AFAP1: variants seen among roughly 807,000 people sequenced by gnomAD.
AFAP1 encodes actin filament-associated protein 1.
AFAP1 carries 75 observed loss-of-function variants against 93.9 expected under a neutral mutation model. The ratio of observed to expected loss-of-function variants is 0.80; its 90% confidence interval spans 0.66 to 0.97. The LOEUF is 0.97. AFAP1 is among the 50% of genes least tolerant of loss of function. AFAP1 has a pLI of 0.00. For missense variants in AFAP1, 1,201 were observed against 1,050.8 expected (o/e 1.14, Z -1.98); for synonymous variants, 517 against 430.7 (o/e 1.20, Z -2.48).
chr4:7,865,898 TTTTG>T (rs1350938679), intron 3 of AFAP1, among the ~76,000 whole-genome samples: 1 of 152,210 alleles, frequency 6.6e-6, no homozygotes, highest in Non-Finnish European at 1.5e-5. Context: ...TCTTGTTTTG[TTTTG>T]TTTTATTTTT....
chr4:7,863,439 A>C (rs1484180554), intron 3 of AFAP1, among the ~76,000 whole-genome samples: 2 of 151,962 alleles, frequency 1.3e-5, no homozygotes, highest in Non-Finnish European at 2.9e-5. Flanking sequence ...GAACGAAAGA[A>C]AGAAAGAAGG....
intron 16 of AFAP1, among the ~76,000 whole-genome samples, chr4:7,771,786 A>C (rs1298666400): frequency 6.6e-6 from 1 of 152,270 alleles, no homozygotes; most frequent in Admixed American, 6.5e-5. Context: ...CTGCTTGCTC[A>C]GCTCTGCAGG....
chr4:7,775,661 G>C (rs1180299034), intron 14 of AFAP1: 1 of 152,194 alleles, frequency 6.6e-6, no homozygotes, highest in Non-Finnish European at 1.5e-5. Context: ...GCAACCAGGA[G>C]CGGTATCTGG....
At chr4:7,797,840 G>C (rs1406083429) in intron 10 of AFAP1, among the ~76,000 whole-genome samples, 1 of 152,074 alleles carries the variant, frequency 6.6e-6, no homozygotes, top group East Asian at 1.9e-4. Context: ...ACCTGCAAAA[G>C]GTTCTGAAAA....
chr4:7,801,104 T>G (rs943529864), intron 9 of AFAP1, among the ~76,000 whole-genome samples: 2 of 152,132 alleles, frequency 1.3e-5, no homozygotes, highest in African/African-American at 4.8e-5. Flanking sequence ...AGATTTTGGC[T>G]TAACATGAAG....
rs369384688 is a variant in AFAP1 at position 7,778,856 on chromosome 4, G to A, written c.1803C>T (p.Pro601=). 1.1e-5 allele frequency: 18 copies of A among 1,613,310 alleles called. No homozygotes were observed. The highest frequency in any genetic ancestry group is 1.7e-4 in the Middle Eastern group (1 of 6,058). The change falls in exon 14 of 18, where the codon CCC becomes CCT. Residue 601 remains proline, a synonymous_variant. Coordinates refer to ENST00000420658, the MANE Select transcript of AFAP1 (RefSeq NM_001134647.2). ...TTCCTGTGACCCCATTAGACGCCACGGGGGGCTTTTTACCCTTGAGCTGTT... is the reference window on the plus strand; with the variant it reads ...TTCCTGTGACCCCATTAGACGCCACAGGGGGCTTTTTACCCTTGAGCTGTT... ...LNSQLKGKKP[P]VASNGVTGKG...
At chr4:7,925,479 G>A (rs1720674640) in intron 1 of AFAP1, among the ~76,000 whole-genome samples, 1 of 152,184 alleles carries the variant, frequency 6.6e-6, no homozygotes, top group East Asian at 1.9e-4. Context: ...TTGGGAGGCC[G>A]AGTCAGGTGG....
chr4:7,769,462 C>T (rs1234397505), intron 16 of AFAP1, among the ~76,000 whole-genome samples: 1 of 152,264 alleles, frequency 6.6e-6, no homozygotes, highest in Non-Finnish European at 1.5e-5. Flanking sequence ...TGCAGCCCCA[C>T]TGCGCGGGGC....
chr4:7,853,123 A>G (rs951868289), intron 4 of AFAP1, among the ~76,000 whole-genome samples: 1 of 152,156 alleles, frequency 6.6e-6, no homozygotes, highest in African/African-American at 2.4e-5. Context: ...TCAGCCTAGC[A>G]AGGCTGGAAT....
intron 10 of AFAP1, 142 bp from the exon 11 acceptor site, chr4:7,793,968 G>T: frequency 4.2e-6 from 4 of 944,950 alleles, no homozygotes; most frequent in Non-Finnish European, 4.4e-6. Context: ...AGATGGCTGA[G>T]CGATGGGATT....
At chr4:7,776,026 C>T (rs67476190) in intron 14 of AFAP1, 14,773 of 152,202 alleles carry the variant, frequency 0.097, 1,213 homozygotes, top group East Asian at 0.47. Flanking sequence ...AGGACAACAC[C>T]TCTTTGTTAA....
At chr4:7,931,625 C>G (rs1721074764) in intron 1 of AFAP1, among the ~76,000 whole-genome samples, 1 of 151,692 alleles carries the variant, frequency 6.6e-6, no homozygotes, top group Admixed American at 6.6e-5. Context: ...TCAGTGGATC[C>G]TACTGCCTCA....
intron 1 of AFAP1, among the ~76,000 whole-genome samples, chr4:7,885,872 T>C (rs1437531514): frequency 6.6e-6 from 1 of 152,164 alleles, no homozygotes; most frequent in Non-Finnish European, 1.5e-5. Flanking sequence ...CCTCTCTGTG[T>C]GAGAATACTC....
At chr4:7,788,602 G>A (rs1717535936) in intron 11 of AFAP1, 1 of 152,204 alleles carries the variant, frequency 6.6e-6, no homozygotes, top group Non-Finnish European at 1.5e-5. Flanking sequence ...ATACAAGAAG[G>A]AAAGGCACAG....
intron 1 of AFAP1, among the ~76,000 whole-genome samples, chr4:7,883,140 C>T (rs368234526): frequency 1.5e-5 from 2 of 134,356 alleles, no homozygotes; most frequent in African/African-American, 2.9e-5. Flanking sequence ...GAGCCATAAG[C>T]GCATCACTGC....
Position 7,843,100 on chromosome 4 carries a change from C to G in AFAP1, c.546+39G>C, listed in dbSNP as rs1293603812. ...TAAACGCCATGGCTTCTGAGTGCAG[C>G]AATCTTACAAAAAATGCAAGCGATT... On this transcript the variant is annotated intron_variant, in intron 5 of 17. Transcript: ENST00000420658. The G allele has an allele frequency of 3.8e-6, 6 of 1,599,846 alleles. No individual in the cohort carries two copies. The African/African-American group carries it at 6.7e-5, about 18-fold the overall frequency.
At chr4:7,898,894 G>C (rs893864736) in intron 1 of AFAP1, among the ~76,000 whole-genome samples, 1 of 150,458 alleles carries the variant, frequency 6.6e-6, no homozygotes, top group Non-Finnish European at 1.5e-5. Context: ...TGTATATACA[G>C]AGAGGGAGAA....
chr4:7,909,796 A>G (rs1398538224), intron 1 of AFAP1, among the ~76,000 whole-genome samples: 1 of 152,178 alleles, frequency 6.6e-6, no homozygotes, highest in Non-Finnish European at 1.5e-5. Context: ...CCATTCCTGC[A>G]GATTCTATTT....
intron 13 of AFAP1, 143 bp downstream of exon 13, chr4:7,781,233 C>T (rs1716735254): frequency 9.3e-7 from 1 of 1,074,722 alleles, no homozygotes; most frequent in African/African-American, 1.6e-5. Flanking sequence ...GGTAGTCAGG[C>T]TGCAAATTAT....
Sources: allele counts gnomAD v4.1 joint callset (sites outside exome capture counted in the v4.1 genomes callset), GRCh38; gene constraint gnomAD v4.1.1; transcripts MANE v1.5; gene names NCBI Gene and HGNC (gene_info 2026-07-23, HGNC 2026-07-21).